The following RPS6KC1 variants were observed in gnomAD, a reference collection of about 807,000 sequenced individuals.
RPS6KC1 encodes ribosomal protein S6 kinase C1, also known as inactive ribosomal protein S6 kinase delta-1.
A neutral mutation model predicts 103.8 loss-of-function variants in RPS6KC1; 54 were observed. The observed-to-expected ratio is 0.52, with a 90% CI of 0.42 to 0.65. The LOEUF (loss-of-function observed/expected upper bound fraction) is 0.65, where lower values mean the gene tolerates loss of function less well. Among genes scored for constraint, RPS6KC1 ranks in the 30% least tolerant of loss-of-function variants. The pLI is 0.00. For missense variants in RPS6KC1, 1,151 were observed against 1,253.8 expected, an observed-to-expected ratio of 0.92 and a Z score of 1.24; for synonymous variants, 439 against 438.7, an observed-to-expected ratio of 1.00 and a Z score of -0.01.
chr1:213,401,856 A>G, the RPS6KC1 span, among the ~76,000 whole-genome samples: 1 of 152,020 alleles, frequency 6.6e-6, no homozygotes, highest in Admixed American at 6.5e-5. Context: ...GTGTGCTCAT[A>G]ATTCATTGCA....
chr1:213,498,151 A>G, the RPS6KC1 span, among the ~76,000 whole-genome samples: 2 of 152,218 alleles, frequency 1.3e-5, no homozygotes, highest in Non-Finnish European at 1.5e-5. Context: ...ATCTTATACC[A>G]TATCTGACAA....
chr1:213,561,137 C>T, the RPS6KC1 span, among the ~76,000 whole-genome samples: 30 of 152,288 alleles, frequency 2.0e-4, 1 homozygote, highest in South Asian at 3.5e-3. Context: ...CTCAAATATA[C>T]GTCTACTCGG....
the RPS6KC1 span, among the ~76,000 whole-genome samples, chr1:213,545,434 AGAGAG>A: frequency 1.3e-5 from 1 of 76,638 alleles, no homozygotes; most frequent in African/African-American, 3.2e-5. Flanking sequence ...ATAAAATAAA[AGAGAG>A]AGAGAGAGAG....
chr1:213,396,762 C>G, the RPS6KC1 span, among the ~76,000 whole-genome samples: 1 of 152,202 alleles, frequency 6.6e-6, no homozygotes, highest in Non-Finnish European at 1.5e-5. Flanking sequence ...GCTCCTGCAC[C>G]TGGCACTGTG....
In RPS6KC1 at chr1:213,232,015, G is replaced by T. The variant is rs2094115047; in HGVS notation, c.1093-108G>T. On this transcript the variant is annotated intron_variant, in intron 9 of 14. Transcript: ENST00000366960. Reference sequence around the variant, plus strand: ...AGATGAGTGGTTTCTCTGAAGCCCAGAGTAACTCGGATAGATTAGTTTGGT... The same window carrying T: ...AGATGAGTGGTTTCTCTGAAGCCCATAGTAACTCGGATAGATTAGTTTGGT... 6 of 1,392,832 alleles carry T rather than the reference G, an allele frequency of 4.3e-6. No individual in the cohort carries two copies. In the South Asian group the frequency reaches 7.7e-5, roughly 18 times the overall value. 86.3% of individuals were successfully genotyped at this position (1,392,832 alleles called of 1,614,324 possible).
the RPS6KC1 span, among the ~76,000 whole-genome samples, chr1:213,703,596 T>G: frequency 6.6e-6 from 1 of 152,172 alleles, no homozygotes; most frequent in African/African-American, 2.4e-5. Flanking sequence ...TCCTTCATGT[T>G]TGAAGGATAT....
At chr1:213,544,110 GAGA>G in the RPS6KC1 span, among the ~76,000 whole-genome samples, 1,845 of 152,286 alleles carry the variant, frequency 0.012, 24 homozygotes, top group African/African-American at 0.038. Context: ...AGAAGAGAAG[GAGA>G]AGAAGAAAGA....
At chr1:213,054,727 G>A (rs2077201279) in intron 1 of RPS6KC1, among the ~76,000 whole-genome samples, 1 of 152,092 alleles carries the variant, frequency 6.6e-6, no homozygotes, top group Non-Finnish European at 1.5e-5. Context: ...TCTGAAATCT[G>A]GCAAGGTTAG....
At chr1:213,537,782 A>G in the RPS6KC1 span, among the ~76,000 whole-genome samples, 2 of 152,304 alleles carry the variant, frequency 1.3e-5, no homozygotes, top group African/African-American at 2.4e-5. Context: ...GGAGCTTCCC[A>G]TAACTTTCAT....
At chr1:213,852,443 C>A in the RPS6KC1 span, among the ~76,000 whole-genome samples, 1 of 152,048 alleles carries the variant, frequency 6.6e-6, no homozygotes, top group Admixed American at 6.6e-5. Flanking sequence ...AACTATCTAG[C>A]AAACCATCTA....
the RPS6KC1 span, among the ~76,000 whole-genome samples, chr1:213,449,950 T>G: frequency 2.0e-5 from 3 of 152,184 alleles, no homozygotes; most frequent in African/African-American, 7.2e-5. Flanking sequence ...CAACACCCAT[T>G]TCCCCACTCT....
At chr1:213,275,974 T>C (rs928272654), downstream of RPS6KC1, among the ~76,000 whole-genome samples, 11 of 152,350 alleles carry the variant, frequency 7.2e-5, no homozygotes, top group Admixed American at 1.3e-4. Flanking sequence ...TTTAAACAGC[T>C]GCAATACCTA....
the RPS6KC1 span, among the ~76,000 whole-genome samples, chr1:213,686,386 T>C: frequency 6.6e-6 from 1 of 152,174 alleles, no homozygotes; most frequent in Non-Finnish European, 1.5e-5. Context: ...TTGCCCTCTT[T>C]AGATTCCTGG....
the RPS6KC1 span, among the ~76,000 whole-genome samples, chr1:213,370,248 A>ATTTATTTTATTTTAT: frequency 8.4e-3 from 1,197 of 142,144 alleles, 20 homozygotes; most frequent in East Asian, 0.069. Flanking sequence ...ATTTTATTTT[A>ATTTATTTTATTTTAT]TTTATTTTAT....
chr1:213,662,225 G>A, the RPS6KC1 span, among the ~76,000 whole-genome samples: 1 of 150,420 alleles, frequency 6.6e-6, no homozygotes. Flanking sequence ...TGTGTGCCTA[G>A]AAAAAAAAAA....
chr1:213,592,629 A>G, the RPS6KC1 span, among the ~76,000 whole-genome samples: 116,137 of 152,134 alleles, frequency 0.76, 44,537 homozygotes, highest in East Asian at 0.97. Context: ...TTTTTTAGCT[A>G]TTTTGTGAAT....
intron 7 of RPS6KC1, among the ~76,000 whole-genome samples, chr1:213,168,550 ATTT>A (rs112010653): frequency 0.16 from 24,021 of 151,400 alleles, 5,043 homozygotes; most frequent in African/African-American, 0.49. Context: ...CTTTTCTGTT[ATTT>A]TTTTTCTTTA....
chr1:213,059,434 A>G (rs2077625993), intron 1 of RPS6KC1, among the ~76,000 whole-genome samples: 2 of 152,198 alleles, frequency 1.3e-5, no homozygotes, highest in Non-Finnish European at 2.9e-5. Flanking sequence ...TGATGTTAGG[A>G]GGAAAGCATT....
chr1:213,417,672 G>T, the RPS6KC1 span, among the ~76,000 whole-genome samples: 1 of 152,050 alleles, frequency 6.6e-6, no homozygotes, highest in Non-Finnish European at 1.5e-5. Flanking sequence ...TAGGTTGGGG[G>T]CAGGGTGGGT....
Sources: allele counts gnomAD v4.1 joint callset (sites outside exome capture counted in the v4.1 genomes callset), GRCh38; gene constraint gnomAD v4.1.1; transcripts MANE v1.5; gene names NCBI Gene and HGNC (gene_info 2026-07-23, HGNC 2026-07-21).